RPH3A: variants seen among roughly 807,000 people sequenced by gnomAD.
The protein encoded by RPH3A is rabphilin-3A.
Under a neutral mutation model 102.2 loss-of-function variants are expected in RPH3A, and 48 were observed. The ratio of observed to expected loss-of-function variants is 0.47; its 90% CI spans 0.37 to 0.60. The LOEUF (loss-of-function observed/expected upper bound fraction) is 0.60, where lower values mean the gene tolerates loss of function less well. RPH3A is among the 20% of genes least tolerant of loss of function. The probability of loss-of-function intolerance (pLI) is 0.00; values close to 1 mark genes in which losing one functional copy is unlikely to be tolerated. For missense variants in RPH3A, 781 were observed against 910.1 expected (o/e 0.86, Z 1.83); for synonymous variants, 310 against 324.3 (o/e 0.96, Z 0.47).
At chr12:112,855,519 G>T (rs2042396606) in intron 5 of RPH3A, among the ~76,000 whole-genome samples, 1 of 152,194 alleles carries the variant, frequency 6.6e-6, no homozygotes, top group Admixed American at 6.5e-5. Context: ...GCCCAGGCAG[G>T]AATCCCATTC....
intron 1 of RPH3A, among the ~76,000 whole-genome samples, chr12:112,639,868 G>T (rs1239644056): frequency 6.6e-6 from 1 of 152,172 alleles, no homozygotes; most frequent in East Asian, 1.9e-4. Flanking sequence ...GTTGGTGGGT[G>T]CTAAGTCATG....
At chr12:112,625,615 G>A (rs2039764034) in intron 1 of RPH3A, among the ~76,000 whole-genome samples, 2 of 104,588 alleles carry the variant, frequency 1.9e-5, no homozygotes, top group African/African-American at 7.9e-5. Context: ...TCAATATCGT[G>A]AAAATGGCCA....
rs370650611 is a variant in RPH3A, at chr12:112,708,874, G to A, written c.-139-83269G>A. Among the ~76,000 whole-genome samples the A allele has an allele frequency of 2.6e-5, 4 of 152,184 alleles. No individual in the cohort carries two copies. The East Asian group carries it at 5.8e-4, about 22-fold the overall frequency. ...TTTGTTTTCTTTCTCTCCCAGATCTGGATCCTATAAAGAATGCTATAGATA... is the reference window on the plus strand; with the variant it reads ...TTTGTTTTCTTTCTCTCCCAGATCTAGATCCTATAAAGAATGCTATAGATA... On this transcript the variant is annotated intron_variant, in intron 1 of 21. Coordinates refer to the RPH3A transcript ENST00000543106.
chr12:112,875,944 G>C (rs2042791030), intron 12 of RPH3A, among the ~76,000 whole-genome samples: 1 of 152,150 alleles, frequency 6.6e-6, no homozygotes, highest in Non-Finnish European at 1.5e-5. Flanking sequence ...ATATAGTTTA[G>C]AGCATAGACT....
At chr12:112,779,044 A>C (rs1160439422) in intron 1 of RPH3A, among the ~76,000 whole-genome samples, 2 of 152,234 alleles carry the variant, frequency 1.3e-5, no homozygotes, top group African/African-American at 4.8e-5. Flanking sequence ...CAAAGGTAGC[A>C]GAAAGTCTTT....
At chr12:112,767,984 T>C (rs1350296610) in intron 1 of RPH3A, among the ~76,000 whole-genome samples, 1 of 152,160 alleles carries the variant, frequency 6.6e-6, no homozygotes, top group Non-Finnish European at 1.5e-5. Context: ...TCACTGCTAA[T>C]GGATATGGGG....
chr12:112,601,462 C>G (rs973747607), intron 1 of RPH3A, among the ~76,000 whole-genome samples: 2 of 152,130 alleles, frequency 1.3e-5, no homozygotes, highest in Non-Finnish European at 2.9e-5. Context: ...TATATTCATG[C>G]CACTGAAAGT....
chr12:112,702,078 T>C (rs994158279), intron 1 of RPH3A, among the ~76,000 whole-genome samples: 1 of 152,232 alleles, frequency 6.6e-6, no homozygotes, highest in South Asian at 2.1e-4. Flanking sequence ...CTAAGCTGCC[T>C]GTATGTCTGG....
chr12:112,859,861 T>C (rs1236848066), intron 5 of RPH3A, among the ~76,000 whole-genome samples: 1 of 152,236 alleles, frequency 6.6e-6, no homozygotes, highest in Non-Finnish European at 1.5e-5. Context: ...TTTGGGAACA[T>C]TCCCCCCACA....
At chr12:112,585,718 T>C (rs994028426) in intron 1 of RPH3A, among the ~76,000 whole-genome samples, 1 of 151,812 alleles carries the variant, frequency 6.6e-6, no homozygotes. Flanking sequence ...GCCTGGGCAA[T>C]AGAGTGAAAC....
At chr12:112,865,577 C>G in intron 6 of RPH3A, 34 bp downstream of exon 6, 1 of 1,603,954 alleles carries the variant, frequency 6.2e-7, no homozygotes, top group East Asian at 2.2e-5. Flanking sequence ...CTTCCCTGTG[C>G]AGCACCTGCA....
At chr12:112,641,550 C>T (rs747642677) in intron 1 of RPH3A, among the ~76,000 whole-genome samples, 1 of 152,156 alleles carries the variant, frequency 6.6e-6, no homozygotes, top group Non-Finnish European at 1.5e-5. Flanking sequence ...ATGCACGCCA[C>T]CACACCTGGC....
chr12:112,783,530 C>T (rs1043147200), intron 1 of RPH3A, among the ~76,000 whole-genome samples: 1 of 152,144 alleles, frequency 6.6e-6, no homozygotes, highest in African/African-American at 2.4e-5. Flanking sequence ...TTTGGTATCT[C>T]CAGCATCTGA....
intron 1 of RPH3A, among the ~76,000 whole-genome samples, chr12:112,631,736 CT>C (rs2039807540): frequency 6.6e-6 from 1 of 151,894 alleles, no homozygotes; most frequent in Non-Finnish European, 1.5e-5. Flanking sequence ...GTTGCCCAGG[CT>C]GGTCTCGAAC....
At chr12:112,756,751 A>G (rs1284080838) in intron 1 of RPH3A, among the ~76,000 whole-genome samples, 1 of 152,234 alleles carries the variant, frequency 6.6e-6, no homozygotes, top group East Asian at 1.9e-4. Context: ...ACATTTCTTT[A>G]GGATAAATTC....
chr12:112,618,621 T>C (rs1224992938), intron 1 of RPH3A, among the ~76,000 whole-genome samples: 1 of 152,220 alleles, frequency 6.6e-6, no homozygotes, highest in Non-Finnish European at 1.5e-5. Flanking sequence ...TAATTGTTTT[T>C]TTAATCATAT....
At chr12:112,699,165 C>A (rs949525549) in intron 1 of RPH3A, among the ~76,000 whole-genome samples, 1 of 152,222 alleles carries the variant, frequency 6.6e-6, no homozygotes, top group African/African-American at 2.4e-5. Flanking sequence ...CAGCAATCCT[C>A]CTGCCTTGGC....
At position 112,828,297 on chromosome 12, in the gene RPH3A, C is replaced by G. The variant is rs2041913520; in HGVS notation, c.-18-4C>G. 4 of 1,604,530 alleles carry G rather than the reference C, an allele frequency of 2.5e-6. No homozygotes were observed. The East Asian group carries it at 9.0e-5, about 36-fold the overall frequency. On this transcript the variant is annotated splice_polypyrimidine_tract_variant and splice_region_variant and intron_variant, in intron 2 of 21. Coordinates refer to ENST00000389385, the MANE Select transcript of RPH3A (RefSeq NM_001143854.2). ...GATGTCCTCTCTGGATTGATGTTTTCCAGGAGCACTAGACATCTACTATGA... is the reference window on the plus strand; with the variant it reads ...GATGTCCTCTCTGGATTGATGTTTTGCAGGAGCACTAGACATCTACTATGA...
chr12:112,863,613 C>A (rs886487241), intron 5 of RPH3A, among the ~76,000 whole-genome samples: 2 of 152,226 alleles, frequency 1.3e-5, no homozygotes, highest in Admixed American at 1.3e-4. Flanking sequence ...GCCACCATGC[C>A]CAGTTATGGG....
Sources: gnomAD v4.1 joint callset for allele counts (sites outside exome capture counted in the v4.1 genomes callset) on GRCh38, gnomAD v4.1.1 for gene constraint, MANE v1.5 for transcripts, NCBI Gene and HGNC (gene_info 2026-07-23, HGNC 2026-07-21) for gene names.